Variants in APBB2 observed in about 807,000 individuals in gnomAD.
APBB2 encodes the protein amyloid beta precursor protein binding family B member 2, also known as Fe65-like 1.
A neutral mutation model predicts 82.5 loss-of-function variants in APBB2; 38 were observed. The observed-to-expected ratio is 0.46, with a 90% CI of 0.36 to 0.60. The LOEUF (loss-of-function observed/expected upper bound fraction) is 0.60. Ranked by LOEUF, APBB2 falls within the 20% of genes least tolerant of loss-of-function variation. APBB2 has a pLI of 0.00. For missense variants in APBB2, 772 were observed against 972.3 expected (o/e 0.79, Z 2.74); for synonymous variants, 341 against 368.2 (o/e 0.93, Z 0.85).
intron 10 of APBB2, among the ~76,000 whole-genome samples, chr4:40,914,081 C>T (rs1226708235): frequency 6.6e-6 from 1 of 151,988 alleles, no homozygotes; most frequent in Non-Finnish European, 1.5e-5. Context: ...ACTAAAAATA[C>T]AAAAATTGGC....
chr4:41,079,738 G>A (rs559200116), intron 3 of APBB2, among the ~76,000 whole-genome samples: 3 of 152,130 alleles, frequency 2.0e-5, no homozygotes, highest in South Asian at 2.1e-4. Context: ...TAGTAGAGAC[G>A]GGGTTTCACC....
At position 40,951,255 on chromosome 4, in the gene APBB2, A is replaced by AC. The variant is rs11454585; in HGVS notation, c.836-6183_836-6182insG. Reference sequence around the variant, plus strand: ...ATTATGTGTTAAGCTGTATGTTTACAGTATGGGTGTTTCTCTATGTATGTT... The same window carrying AC: ...ATTATGTGTTAAGCTGTATGTTTACACGTATGGGTGTTTCTCTATGTATGTT... On this transcript the variant is annotated intron_variant, in intron 6 of 17. Transcript: ENST00000508593. 2.2e-3 allele frequency among the ~76,000 whole-genome samples: 332 copies of AC among 152,242 alleles called. 2 individuals carry two copies. Among genetic ancestry groups the AC allele is most frequent in the African/African-American group, 7.5e-3 (312 of 41,504 alleles).
intron 4 of APBB2, among the ~76,000 whole-genome samples, chr4:41,051,917 GATA>G (rs895939307): frequency 6.6e-4 from 101 of 152,320 alleles, no homozygotes; most frequent in African/African-American, 2.4e-3. Flanking sequence ...GTAAAATGGA[GATA>G]ATGAGAATAT....
At chr4:41,171,850 C>G (rs764550529) in intron 1 of APBB2, among the ~76,000 whole-genome samples, 2 of 151,764 alleles carry the variant, frequency 1.3e-5, no homozygotes, top group Non-Finnish European at 2.9e-5. Context: ...AATCCCACCA[C>G]GTTGGGAGGC....
At chr4:40,868,385 A>G (rs35710766) in intron 12 of APBB2, among the ~76,000 whole-genome samples, 1 of 151,872 alleles carries the variant, frequency 6.6e-6, no homozygotes, top group Non-Finnish European at 1.5e-5. Flanking sequence ...CATATAGAAA[A>G]TTTTTTGAGG....
At chr4:40,840,798 T>A (rs552281793) in intron 12 of APBB2, among the ~76,000 whole-genome samples, 1 of 152,210 alleles carries the variant, frequency 6.6e-6, no homozygotes, top group South Asian at 2.1e-4. Context: ...TCTGTAGCCC[T>A]CTCTAGAACA....
In APBB2 at chr4:40,926,271, A is replaced by C. The variant is rs533916308; in HGVS notation, c.1254+8185T>G. Among the ~76,000 whole-genome samples the C allele has an allele frequency of 3.9e-5, 6 of 152,302 alleles. No homozygotes were observed. In the East Asian group the frequency reaches 7.7e-4, roughly 20 times the overall value. Reference sequence around the variant, plus strand: ...AATGCAATTTCATGTCCCACCCCAGAGCAAATGAATCAGAATTTGCCCACA... The same window carrying C: ...AATGCAATTTCATGTCCCACCCCAGCGCAAATGAATCAGAATTTGCCCACA... On this transcript the variant is annotated intron_variant, in intron 10 of 17. Coordinates refer to ENST00000508593, the MANE Select transcript of APBB2 (RefSeq NM_004307.2).
At chr4:41,080,501 T>C (rs1055923169) in intron 3 of APBB2, among the ~76,000 whole-genome samples, 1 of 152,192 alleles carries the variant, frequency 6.6e-6, no homozygotes, top group African/African-American at 2.4e-5. Context: ...TTGTTAGCTG[T>C]ACACAACAAG....
chr4:40,898,855 TCA>T (rs777366496), intron 10 of APBB2, among the ~76,000 whole-genome samples: 152 of 118,180 alleles, frequency 1.3e-3, no homozygotes, highest in African/African-American at 3.6e-3. Context: ...ACACACACAC[TCA>T]CACACACACA....
chr4:41,184,515 T>C (rs1308729595), intron 1 of APBB2, among the ~76,000 whole-genome samples: 1 of 152,148 alleles, frequency 6.6e-6, no homozygotes, highest in Non-Finnish European at 1.5e-5. Flanking sequence ...AGCCCTTAAT[T>C]CCTTTAGACC....
At chr4:41,011,149 T>C (rs71608057) in intron 6 of APBB2, among the ~76,000 whole-genome samples, 3 of 130,164 alleles carry the variant, frequency 2.3e-5, no homozygotes, top group Non-Finnish European at 4.8e-5. Flanking sequence ...ATTATTATTG[T>C]TTTTTTTTTT....
chr4:40,971,142 T>C (rs948947777), intron 6 of APBB2, among the ~76,000 whole-genome samples: 1 of 152,200 alleles, frequency 6.6e-6, no homozygotes, highest in African/African-American at 2.4e-5. Flanking sequence ...GCTCAGTAGA[T>C]TTCTACCGAC....
chr4:40,977,340 A>T (rs1578906285), intron 6 of APBB2, among the ~76,000 whole-genome samples: 1 of 145,902 alleles, frequency 6.9e-6, no homozygotes, highest in East Asian at 2.1e-4. Flanking sequence ...TTTAAGACGG[A>T]GTTTTGCTCT....
intron 3 of APBB2, among the ~76,000 whole-genome samples, 156 bp downstream of exon 3, chr4:41,100,481 AAG>A (rs1744987711): frequency 1.3e-5 from 2 of 152,224 alleles, no homozygotes; most frequent in East Asian, 1.9e-4. Flanking sequence ...TTTTTACACA[AAG>A]AGGTTTCCTG....
intron 10 of APBB2, among the ~76,000 whole-genome samples, chr4:40,898,782 C>A (rs56175157): frequency 6.6e-6 from 1 of 150,696 alleles, no homozygotes; most frequent in Non-Finnish European, 1.5e-5. Flanking sequence ...CCAAGGTGGG[C>A]GGACCACTTG....
chr4:40,871,950 T>C (rs1765623166), intron 12 of APBB2, among the ~76,000 whole-genome samples: 2 of 152,322 alleles, frequency 1.3e-5, no homozygotes, highest in African/African-American at 4.8e-5. Flanking sequence ...GTACAATGAA[T>C]ATATGCATGA....
rs575818434 is a variant in APBB2, at chr4:40,975,309, T to C, written c.836-30236A>G. Among the ~76,000 whole-genome samples the C allele has an allele frequency of 2.6e-5, 4 of 152,322 alleles. No homozygotes were observed. In the South Asian group the frequency reaches 8.3e-4, roughly 32 times the overall value. On this transcript the variant is annotated intron_variant, in intron 6 of 17. Transcript: ENST00000508593. Reference sequence around the variant, plus strand: ...TAAGTGAATTGAACGTGTTCCAGTATATGGACAACAGGGAATCTATCTTTG... The same window carrying C: ...TAAGTGAATTGAACGTGTTCCAGTACATGGACAACAGGGAATCTATCTTTG...
chr4:41,154,024 A>G (rs924506459), intron 1 of APBB2, among the ~76,000 whole-genome samples: 9 of 152,326 alleles, frequency 5.9e-5, no homozygotes, highest in Non-Finnish European at 1.0e-4. Context: ...TCCATAAATT[A>G]CTGAGATTTA....
intron 3 of APBB2, among the ~76,000 whole-genome samples, chr4:41,079,845 C>T (rs1391706975): frequency 6.6e-6 from 1 of 152,188 alleles, no homozygotes; most frequent in Non-Finnish European, 1.5e-5. Context: ...CCGCGACCGG[C>T]CAGCTCACCT....
Sources: allele counts gnomAD v4.1 joint callset (sites outside exome capture counted in the v4.1 genomes callset), GRCh38; gene constraint gnomAD v4.1.1; transcripts MANE v1.5; gene names NCBI Gene and HGNC (gene_info 2026-07-23, HGNC 2026-07-21).